Variants in ANKS1A observed in about 807,000 individuals in gnomAD.
The protein encoded by ANKS1A is ankyrin repeat and SAM domain-containing protein 1A.
Under a neutral mutation model 120.3 loss-of-function variants are expected in ANKS1A, and 55 were observed. The ratio of observed to expected loss-of-function variants is 0.46; its 90% confidence interval spans 0.37 to 0.57. ANKS1A has a LOEUF of 0.57. Among genes scored for constraint, ANKS1A ranks in the 20% least tolerant of loss-of-function variants. The pLI, the probability that ANKS1A is intolerant of heterozygous loss-of-function variation, is 0.00. For synonymous variants in ANKS1A, 590 were observed against 604.7 expected (o/e 0.98, Z 0.36); for missense variants, 1,123 against 1,480.3 (o/e 0.76, Z 3.96).
intron 13 of ANKS1A, among the ~76,000 whole-genome samples, chr6:35,070,482 ATCTT>A (rs562400007): frequency 0.043 from 5,064 of 117,332 alleles, 169 homozygotes; most frequent in African/African-American, 0.11. Context: ...ACAAGCCTTT[ATCTT>A]TTTTTTTTTT....
At chr6:34,892,298 T>C (rs766718466) in intron 1 of ANKS1A, among the ~76,000 whole-genome samples, 35 of 152,340 alleles carry the variant, frequency 2.3e-4, no homozygotes, top group Admixed American at 9.8e-4. Flanking sequence ...AATGAGACCA[T>C]GCCTAGGTCA....
intron 1 of ANKS1A, among the ~76,000 whole-genome samples, chr6:34,945,604 C>T (rs1268539850): frequency 2.0e-5 from 3 of 152,230 alleles, no homozygotes; most frequent in African/African-American, 7.2e-5. Context: ...ACCCATCACA[C>T]ACTGTCTTCA....
At chr6:35,071,794 C>T (rs562891946) in intron 13 of ANKS1A, among the ~76,000 whole-genome samples, 60 of 152,378 alleles carry the variant, frequency 3.9e-4, no homozygotes, top group African/African-American at 1.3e-3. Context: ...CTACCTACCC[C>T]GGCCTCGTGG....
downstream of ANKS1A, among the ~76,000 whole-genome samples, chr6:35,096,123 A>G (rs912808691): frequency 1.3e-5 from 2 of 152,222 alleles, no homozygotes; most frequent in African/African-American, 4.8e-5. Context: ...AACTGAGTGT[A>G]TTCTGACTGA....
Position 35,054,695 on chromosome 6 carries a change from C to T in ANKS1A, c.2077+530C>T, listed in dbSNP as rs115849164. Among the ~76,000 whole-genome samples the T allele has an allele frequency of 8.1e-4, 123 of 152,362 alleles. No individual in the cohort carries two copies. The Middle Eastern group carries it at 0.024, about 29-fold the overall frequency. On this transcript the variant is annotated intron_variant, in intron 12 of 23. Transcript: ENST00000360359. The stretch of plus-strand genomic sequence containing the variant: ...ATCACTTACCATTCTTACACTGTAT[C>T]ACTGCTACTTTGGTCATTCTTTTCT...
intron 1 of ANKS1A, among the ~76,000 whole-genome samples, chr6:34,891,480 G>A (rs1766821324): frequency 6.6e-6 from 1 of 152,200 alleles, no homozygotes. Flanking sequence ...TCTGAGAGGT[G>A]ACAAGACTGT....
intron 13 of ANKS1A, among the ~76,000 whole-genome samples, chr6:35,070,042 A>AAG (rs1554158285): frequency 7.3e-5 from 11 of 150,486 alleles, no homozygotes; most frequent in Non-Finnish European, 1.3e-4. Flanking sequence ...AAAAAAAAAA[A>AAG]AGAGACTGGG....
Position 35,050,431 on chromosome 6 carries a change from T to G in ANKS1A, c.2011-3668T>G, listed in dbSNP as rs983650616. Among the ~76,000 whole-genome samples, 2 of 152,186 alleles carry G rather than the reference T, an allele frequency of 1.3e-5. No homozygotes were observed. Among genetic ancestry groups the G allele is most frequent in the Non-Finnish European group, 2.9e-5 (2 of 68,038 alleles). ...AAACCACAGAAAAAGAGGAGAACAC[T>G]AAATGGTGCCCGTCCATTACACTTA... On this transcript the variant is annotated intron_variant, in intron 11 of 23. Transcript: ENST00000360359. This position sits in a 1 kb window ranked among gnomAD's most constrained non-coding sequence, Gnocchi z 4.3.
chr6:34,902,540 G>A (rs1265229012), intron 1 of ANKS1A, among the ~76,000 whole-genome samples: 3 of 152,122 alleles, frequency 2.0e-5, no homozygotes, highest in South Asian at 2.1e-4. Flanking sequence ...GAGCTACCGC[G>A]CCTGGCCCAA....
intron 1 of ANKS1A, among the ~76,000 whole-genome samples, chr6:34,939,573 C>T (rs1769426843): frequency 6.6e-6 from 1 of 152,152 alleles, no homozygotes. Flanking sequence ...TGGGGCCAGG[C>T]ACAGTGGCTT....
intron 1 of ANKS1A, among the ~76,000 whole-genome samples, chr6:34,891,513 C>T (rs946524803): frequency 6.6e-6 from 1 of 152,170 alleles, no homozygotes; most frequent in Admixed American, 6.5e-5. Context: ...ATGCCTCTGT[C>T]TTTAATGAGT....
chr6:34,994,614 G>C (rs1424820390), intron 10 of ANKS1A, among the ~76,000 whole-genome samples, 192 bp downstream of exon 10: 1 of 152,160 alleles, frequency 6.6e-6, no homozygotes, highest in Non-Finnish European at 1.5e-5. Flanking sequence ...CTCTAGGTTG[G>C]AGTTGGCTGC....
At chr6:35,024,735 C>T (rs1213024576) in intron 11 of ANKS1A, among the ~76,000 whole-genome samples, 1 of 152,194 alleles carries the variant, frequency 6.6e-6, no homozygotes, top group Non-Finnish European at 1.5e-5. Flanking sequence ...TCGCCCTTTC[C>T]AGCTCTTTCT....
rs2127579599 is a variant in ANKS1A at position 35,044,340 on chromosome 6, G to A, written c.2011-9759G>A. 6.6e-6 allele frequency among the ~76,000 whole-genome samples: 1 copy of A among 152,364 alleles called. No individual in the cohort carries two copies. The highest frequency in any genetic ancestry group is 2.1e-4 in the South Asian group (1 of 4,832). On this transcript the variant is annotated intron_variant, in intron 11 of 23. Transcript: ENST00000360359. This position sits in a 1 kb window ranked among gnomAD's most constrained non-coding sequence, Gnocchi z 4.4. ...CTGTTACAGATGACCAAGCGGAGGT[G>A]TGGGAAGAACAAGTTCCTTGCTCAC...
chr6:34,946,831 A>G (rs73745053), intron 1 of ANKS1A, among the ~76,000 whole-genome samples: 114 of 152,312 alleles, frequency 7.5e-4, no homozygotes, highest in African/African-American at 2.7e-3. Flanking sequence ...TAGACTTTCT[A>G]AGGCTTTCAT....
At chr6:35,038,259 G>T (rs1218227588) in intron 11 of ANKS1A, 2 of 456,670 alleles carry the variant, frequency 4.4e-6, no homozygotes, top group Non-Finnish European at 8.8e-6. Context: ...GCCTCCTTGT[G>T]GGTGGGTCCG....
chr6:35,035,882 C>T (rs1291597516), intron 11 of ANKS1A, among the ~76,000 whole-genome samples: 2 of 152,252 alleles, frequency 1.3e-5, no homozygotes, highest in Non-Finnish European at 1.5e-5. Context: ...TCCTCAGTGA[C>T]TGCCCTTCAC....
chr6:34,983,402 A>G lies in ANKS1A; in HGVS notation c.989A>G (p.Asp330Gly), dbSNP rs897640126. 1 of 1,613,524 alleles carries G rather than the reference A, an allele frequency of 6.2e-7. No individual in the cohort carries two copies. The highest frequency in any genetic ancestry group is 1.7e-5 in the Admixed American group (1 of 59,956). Reference sequence around the variant, plus strand: ...CAGCCACCTCTCATCTCCAGTATGGACTCCATATCACAGAAGTCTCAGGGT... The same window carrying G: ...CAGCCACCTCTCATCTCCAGTATGGGCTCCATATCACAGAAGTCTCAGGGT... The part of the protein sequence containing the change: ...PPQPPLISSM[D>G]SISQKSQGDV... Residue 330 changes from aspartate (D) to glycine (G), a missense_variant, in exon 7 of 24, where the codon GAC (aspartate) becomes GGC (glycine). By Grantham distance (94) the Asp-to-Gly change is moderately conservative. Around this residue, in one of 3 missense-constraint regions of ANKS1A, gnomAD observed 904 missense variants for 1,130.4 expected, o/e 0.80. Coordinates refer to ENST00000360359, the MANE Select transcript of ANKS1A (RefSeq NM_015245.3).
At chr6:35,003,770 A>T (rs1252547723) in intron 10 of ANKS1A, among the ~76,000 whole-genome samples, 1 of 152,216 alleles carries the variant, frequency 6.6e-6, no homozygotes, top group Non-Finnish European at 1.5e-5. Context: ...GAAGTGGCGA[A>T]AATAAGAGTG....
Sources: allele counts gnomAD v4.1 joint callset (sites outside exome capture counted in the v4.1 genomes callset), GRCh38; gene constraint gnomAD v4.1.1; regional missense constraint gnomAD v4.1.1; non-coding constraint Gnocchi (gnomAD v3.1); transcripts MANE v1.5; gene names NCBI Gene and HGNC (gene_info 2026-07-23, HGNC 2026-07-21).